Variants in PRR16 observed in about 807,000 individuals in gnomAD.
The protein encoded by PRR16 is protein Largen.
A neutral mutation model predicts 18.2 loss-of-function variants in PRR16; 6 were observed. The ratio of observed to expected loss-of-function variants is 0.33; its 90% CI spans 0.18 to 0.65. The LOEUF (loss-of-function observed/expected upper bound fraction) is 0.65, where lower values mean the gene tolerates loss of function less well. Ranked by LOEUF, PRR16 falls within the 30% of genes least tolerant of loss-of-function variation. The probability of loss-of-function intolerance (pLI) is 0.74; values close to 1 mark genes in which losing one functional copy is unlikely to be tolerated. For synonymous variants in PRR16, 151 were observed against 147.8 expected (o/e 1.02, Z -0.16); for missense variants, 412 against 376.6 (o/e 1.09, Z -0.78).
At chr5:120,782,726 TCAAA>T in the PRR16 span, among the ~76,000 whole-genome samples, 302 of 152,278 alleles carry the variant, frequency 2.0e-3, 2 homozygotes, top group African/African-American at 6.7e-3. Context: ...TCCTGCTTTT[TCAAA>T]CAAACAGAGC....
chr5:120,574,359 T>A (rs1753006923), intron 1 of PRR16, among the ~76,000 whole-genome samples: 1 of 152,066 alleles, frequency 6.6e-6, no homozygotes, highest in African/African-American at 2.4e-5. Flanking sequence ...AACTCAGCAC[T>A]TTGGGAGGCA....
chr5:120,740,248 T>G, the PRR16 span, among the ~76,000 whole-genome samples: 1 of 152,312 alleles, frequency 6.6e-6, no homozygotes, highest in East Asian at 1.9e-4. Context: ...GGGTATTTCA[T>G]GCAGCTGTAT....
the PRR16 span, among the ~76,000 whole-genome samples, chr5:120,698,655 AG>A: frequency 6.6e-6 from 1 of 152,092 alleles, no homozygotes; most frequent in Admixed American, 6.5e-5. Context: ...CCTAATAAAA[AG>A]GAGCGTCTAT....
At position 120,489,446 on chromosome 5, in the gene PRR16, T is replaced by G. The variant is rs1195937066; in HGVS notation, c.159+24801T>G. ...TCTTTTGATCTTTGTTGGTTTAAAG[T>G]CTGTTTTATCAGAGACTAGGATTGC... On this transcript the variant is annotated intron_variant, in intron 1 of 1. Coordinates refer to ENST00000407149, the MANE Select transcript of PRR16 (RefSeq NM_001300783.2). Among the ~76,000 whole-genome samples the G allele has an allele frequency of 9.8e-5, 15 of 152,308 alleles. No individual in the cohort carries two copies. The East Asian group carries it at 2.7e-3, about 27-fold the overall frequency.
chr5:120,464,718 C>A, intron 1 of PRR16, 73 bp downstream of exon 1: 1 of 1,394,750 alleles, frequency 7.2e-7, no homozygotes. Flanking sequence ...CGATTTTCAG[C>A]AGGGACAGCC....
chr5:120,522,911 C>T (rs112868590), intron 1 of PRR16, among the ~76,000 whole-genome samples: 14 of 152,274 alleles, frequency 9.2e-5, no homozygotes, highest in East Asian at 7.7e-4. Flanking sequence ...CCACCACACC[C>T]GGCCCAAAAT....
chr5:120,743,807 A>C, the PRR16 span, among the ~76,000 whole-genome samples: 14 of 151,982 alleles, frequency 9.2e-5, no homozygotes, highest in Non-Finnish European at 1.5e-4. Context: ...TCATACTCAT[A>C]GTCTTCTTCT....
At chr5:120,497,847 C>T (rs962416908) in intron 1 of PRR16, among the ~76,000 whole-genome samples, 16 of 151,388 alleles carry the variant, frequency 1.1e-4, no homozygotes, top group Non-Finnish European at 2.2e-4. Flanking sequence ...TTTACCTGCT[C>T]TAATATTAAT....
intron 1 of PRR16, among the ~76,000 whole-genome samples, chr5:120,504,798 G>A (rs1041309090): frequency 1.3e-5 from 2 of 152,102 alleles, no homozygotes; most frequent in Non-Finnish European, 2.9e-5. Context: ...TTGCTTCTTA[G>A]GTATATTGAG....
chr5:120,754,287 T>C, the PRR16 span, among the ~76,000 whole-genome samples: 1 of 30,258 alleles, frequency 3.3e-5, no homozygotes, highest in Non-Finnish European at 5.9e-5. Context: ...TATATAAATA[T>C]ATAATATATA....
At chr5:120,737,222 G>A in the PRR16 span, among the ~76,000 whole-genome samples, 3 of 150,358 alleles carry the variant, frequency 2.0e-5, no homozygotes, top group South Asian at 2.1e-4. Flanking sequence ...TCAGTCTTTC[G>A]CCATTGAGTA....
chr5:120,603,536 G>T (rs1312036854), intron 1 of PRR16, among the ~76,000 whole-genome samples: 2 of 151,756 alleles, frequency 1.3e-5, no homozygotes, highest in Non-Finnish European at 2.9e-5. Context: ...CTGTTATGTG[G>T]ATATTCTTGT....
At chr5:120,551,237 T>G (rs1407920768) in intron 1 of PRR16, among the ~76,000 whole-genome samples, 1 of 152,014 alleles carries the variant, frequency 6.6e-6, no homozygotes, top group Non-Finnish European at 1.5e-5. Flanking sequence ...TTTTTAAAAT[T>G]CTGTATATAA....
chr5:120,501,628 G>T (rs1416220030), intron 1 of PRR16, among the ~76,000 whole-genome samples: 3 of 151,952 alleles, frequency 2.0e-5, no homozygotes, highest in Non-Finnish European at 4.4e-5. Flanking sequence ...GAAATGAGTG[G>T]AACTATCCAA....
At chr5:120,572,096 A>G (rs1561551766) in intron 1 of PRR16, among the ~76,000 whole-genome samples, 2 of 152,160 alleles carry the variant, frequency 1.3e-5, no homozygotes, top group Non-Finnish European at 2.9e-5. Flanking sequence ...ACCTAGATCT[A>G]GAAACTGGCA....
At chr5:120,700,086 A>C in the PRR16 span, among the ~76,000 whole-genome samples, 1 of 152,166 alleles carries the variant, frequency 6.6e-6, no homozygotes, top group Non-Finnish European at 1.5e-5. Flanking sequence ...CCTAGAACAG[A>C]ATAATGGGTT....
At chr5:120,636,994 A>G (rs755065342) in intron 1 of PRR16, among the ~76,000 whole-genome samples, 56 of 152,240 alleles carry the variant, frequency 3.7e-4, no homozygotes, top group African/African-American at 1.3e-3. Context: ...ACAATTCTCA[A>G]AAGAAGATAT....
chr5:120,718,564 G>C, the PRR16 span, among the ~76,000 whole-genome samples: 29 of 152,054 alleles, frequency 1.9e-4, no homozygotes, highest in Non-Finnish European at 3.2e-4. Context: ...CATCCAGCAG[G>C]CTTCCCTTAT....
chr5:120,567,047 C>T (rs989675447), intron 1 of PRR16, among the ~76,000 whole-genome samples: 1 of 152,042 alleles, frequency 6.6e-6, no homozygotes, highest in Admixed American at 6.6e-5. Context: ...TTGTCTTGGG[C>T]CCTTCATGTT....
Sources: gnomAD v4.1 joint callset for allele counts (sites outside exome capture counted in the v4.1 genomes callset) on GRCh38, gnomAD v4.1.1 for gene constraint, MANE v1.5 for transcripts, NCBI Gene and HGNC (gene_info 2026-07-23, HGNC 2026-07-21) for gene names.